The following AFF3 variants were observed in gnomAD, a reference collection of about 807,000 sequenced individuals.
AFF3 encodes AF4/FMR2 family member 3.
A neutral mutation model predicts 129.7 loss-of-function variants in AFF3; 32 were observed. That is an observed-to-expected ratio of 0.25 (90% CI 0.19 to 0.33). The LOEUF is 0.33. Ranked by LOEUF, AFF3 falls within the 10% of genes least tolerant of loss-of-function variation. The pLI is 1.00. For missense variants in AFF3, 1,373 were observed against 1,592.0 expected, an observed-to-expected ratio of 0.86 and a Z score of 2.34; for synonymous variants, 644 against 635.4, an observed-to-expected ratio of 1.01 and a Z score of -0.20.
intron 8 of AFF3, among the ~76,000 whole-genome samples, chr2:99,812,707 T>C (rs988420603): frequency 6.6e-6 from 1 of 152,262 alleles, no homozygotes; most frequent in Admixed American, 6.5e-5. Context: ...GTTTACTTTC[T>C]GACTTGTATC....
intron 4 of AFF3, among the ~76,000 whole-genome samples, chr2:100,010,425 T>C (rs1193628105): frequency 6.6e-6 from 1 of 152,206 alleles, no homozygotes; most frequent in Non-Finnish European, 1.5e-5. Context: ...GGTGATGCGA[T>C]ACTAAACATG....
intron 13 of AFF3, among the ~76,000 whole-genome samples, chr2:99,601,900 A>G (rs982236542): frequency 6.6e-5 from 10 of 152,240 alleles, no homozygotes; most frequent in Non-Finnish European, 1.5e-4. Flanking sequence ...GGAAGGTGGT[A>G]TAACATCCAA....
chr2:99,576,515 C>CA (rs776848009), intron 18 of AFF3, among the ~76,000 whole-genome samples: 12,846 of 62,622 alleles, frequency 0.21, 1,120 homozygotes, highest in East Asian at 0.39. Flanking sequence ...GACCCTGTCT[C>CA]AAAAAAAAAA....
chr2:100,009,882 T>C (rs6752954), intron 4 of AFF3, among the ~76,000 whole-genome samples: 2,858 of 152,258 alleles, frequency 0.019, 94 homozygotes, highest in African/African-American at 0.065. Context: ...AAAAAGAGCT[T>C]ACAGATCCCT....
At chr2:99,690,914 G>A (rs573899669) in intron 11 of AFF3, among the ~76,000 whole-genome samples, 69 of 151,876 alleles carry the variant, frequency 4.5e-4, no homozygotes, top group Middle Eastern at 3.4e-3. Flanking sequence ...AGATGGGGAC[G>A]GATAACAGCA....
chr2:99,699,532 T>A (rs1187558953), intron 11 of AFF3, among the ~76,000 whole-genome samples: 1 of 152,174 alleles, frequency 6.6e-6, no homozygotes, highest in Non-Finnish European at 1.5e-5. Flanking sequence ...AATCATCAAG[T>A]GAACTTCTAG....
chr2:99,849,070 A>G (rs1384590616), intron 7 of AFF3, among the ~76,000 whole-genome samples: 1 of 152,116 alleles, frequency 6.6e-6, no homozygotes. Context: ...GTGTAGTGTG[A>G]AATGGTACAA....
At chr2:99,980,342 C>G (rs1679292695) in intron 7 of AFF3, among the ~76,000 whole-genome samples, 1 of 152,180 alleles carries the variant, frequency 6.6e-6, no homozygotes, top group Non-Finnish European at 1.5e-5. Flanking sequence ...TTTCTTTCCT[C>G]TAAGTGCAGA....
Position 99,578,317 on chromosome 2 carries a change from C to G in AFF3, c.2918+10G>C, listed in dbSNP as rs1025826549. On this transcript the variant is annotated intron_variant, in intron 18 of 24. Transcript: ENST00000672756. ...TGCCCCTCACCACATTTAAAAGCGT[C>G]TGAACTTACATATCATCGAAGACAA... The G allele has an allele frequency of 6.3e-7, 1 of 1,593,842 alleles. No individual in the cohort carries two copies. The highest frequency in any genetic ancestry group is 8.5e-7 in the Non-Finnish European group (1 of 1,172,806).
chr2:99,604,072 CAAAGACCT>C (rs1483529848), intron 13 of AFF3, among the ~76,000 whole-genome samples: 1 of 152,112 alleles, frequency 6.6e-6, no homozygotes, highest in Non-Finnish European at 1.5e-5. Flanking sequence ...GGCGATTCCT[CAAAGACCT>C]AAAGATAGAA....
chr2:99,614,755 C>T (rs1481505420), intron 13 of AFF3, among the ~76,000 whole-genome samples: 1 of 152,184 alleles, frequency 6.6e-6, no homozygotes, highest in African/African-American at 2.4e-5. Flanking sequence ...CAGGGTTCAG[C>T]CCTGCTTTTG....
chr2:99,671,622 T>C (rs1687151886), intron 12 of AFF3, among the ~76,000 whole-genome samples: 1 of 152,182 alleles, frequency 6.6e-6, no homozygotes, highest in Non-Finnish European at 1.5e-5. Flanking sequence ...CATGATACCT[T>C]TCTATTAATT....
intron 4 of AFF3, among the ~76,000 whole-genome samples, chr2:100,063,955 G>T (rs1378576657): frequency 6.6e-6 from 1 of 151,982 alleles, no homozygotes; most frequent in African/African-American, 2.4e-5. Context: ...CGGGCATGGT[G>T]GCATGCACCT....
chr2:99,767,150 G>C (rs1683085243), intron 8 of AFF3, among the ~76,000 whole-genome samples: 1 of 152,200 alleles, frequency 6.6e-6, no homozygotes, highest in African/African-American at 2.4e-5. Flanking sequence ...TAGACACTCA[G>C]ACTACTCTAG....
At chr2:100,136,115 G>A (rs769387577) in intron 1 of AFF3, among the ~76,000 whole-genome samples, 2 of 152,218 alleles carry the variant, frequency 1.3e-5, no homozygotes, top group African/African-American at 2.4e-5. Flanking sequence ...ATGTTAAGAC[G>A]TAAGGTTGAA....
intron 8 of AFF3, among the ~76,000 whole-genome samples, chr2:99,831,750 T>C (rs1258576804): frequency 6.6e-6 from 1 of 152,206 alleles, no homozygotes; most frequent in Non-Finnish European, 1.5e-5. Context: ...GAACGGACTA[T>C]ATGGATGACA....
chr2:99,964,635 C>A (rs912573788), intron 7 of AFF3, among the ~76,000 whole-genome samples: 1 of 152,118 alleles, frequency 6.6e-6, no homozygotes, highest in Non-Finnish European at 1.5e-5. Flanking sequence ...ATTTACAGTA[C>A]TAAATGCCTA....
chr2:99,978,537 T>C (rs1679096730), intron 7 of AFF3, among the ~76,000 whole-genome samples: 1 of 152,138 alleles, frequency 6.6e-6, no homozygotes, highest in African/African-American at 2.4e-5. Context: ...AACGGGAACA[T>C]CATTCTCCCC....
At chr2:99,633,333 G>C (rs1377541772) in intron 13 of AFF3, among the ~76,000 whole-genome samples, 1 of 152,132 alleles carries the variant, frequency 6.6e-6, no homozygotes. Context: ...GTCACCAAAA[G>C]GCAAGCAGAT....
Sources: gnomAD v4.1 joint callset for allele counts (sites outside exome capture counted in the v4.1 genomes callset) on GRCh38, gnomAD v4.1.1 for gene constraint, MANE v1.5 for transcripts, NCBI Gene and HGNC (gene_info 2026-07-23, HGNC 2026-07-21) for gene names.